Variants in TENM2 observed in about 807,000 individuals in gnomAD.
The protein encoded by TENM2 is teneurin-2.
In TENM2, 52 loss-of-function variants were observed where a neutral mutation model predicts 245.2. The ratio of observed to expected loss-of-function variants is 0.21; its 90% CI spans 0.17 to 0.27. The LOEUF is 0.27. TENM2 is among the 10% of genes least tolerant of loss of function. The pLI is 1.00. For synonymous variants in TENM2, 1,363 were observed against 1,438.9 expected (o/e 0.95, Z 1.19); for missense variants, 3,046 against 3,666.8 (o/e 0.83, Z 4.37).
At chr5:167,093,217 G>C in the TENM2 span, among the ~76,000 whole-genome samples, 1 of 152,174 alleles carries the variant, frequency 6.6e-6, no homozygotes, top group Non-Finnish European at 1.5e-5. Flanking sequence ...CTGCAGTGTT[G>C]GGAAATATCA....
At chr5:167,910,696 G>A (rs1776476977) in intron 3 of TENM2, among the ~76,000 whole-genome samples, 1 of 152,056 alleles carries the variant, frequency 6.6e-6, no homozygotes, top group Non-Finnish European at 1.5e-5. Flanking sequence ...CTCTTCCATG[G>A]AGCAGATGTT....
the TENM2 span, among the ~76,000 whole-genome samples, chr5:167,000,950 G>T: frequency 6.6e-6 from 1 of 152,006 alleles, no homozygotes; most frequent in Non-Finnish European, 1.5e-5. Flanking sequence ...TTTGTCTGTG[G>T]TTTTTTGTTG....
At chr5:167,776,593 GAAAAAAAAAAAAAAA>G (rs869252752) in intron 2 of TENM2, among the ~76,000 whole-genome samples, 805 of 36,074 alleles carry the variant, frequency 0.022, 27 homozygotes, top group African/African-American at 0.066. Flanking sequence ...GACCCTGTCT[GAAAAAAAAAAAAAAA>G]AAAAAAAAAA....
chr5:167,992,651 C>T (rs1783755799), intron 4 of TENM2, among the ~76,000 whole-genome samples: 1 of 152,316 alleles, frequency 6.6e-6, no homozygotes, highest in Non-Finnish European at 1.5e-5. Flanking sequence ...TCCTCAACCT[C>T]ATCATCTCTG....
chr5:167,846,216 G>T (rs1483738125), intron 2 of TENM2, among the ~76,000 whole-genome samples: 1 of 152,150 alleles, frequency 6.6e-6, no homozygotes, highest in African/African-American at 2.4e-5. Context: ...GACTGTGTCT[G>T]GTTCCATGTC....
chr5:168,171,727 T>C (rs1309999443), intron 13 of TENM2, among the ~76,000 whole-genome samples: 2 of 152,240 alleles, frequency 1.3e-5, no homozygotes, highest in Non-Finnish European at 2.9e-5. Context: ...ACAAATCAAA[T>C]ATCCATTATG....
At chr5:168,224,558 T>TAA (rs1338265081) in intron 23 of TENM2, among the ~76,000 whole-genome samples, 1 of 152,176 alleles carries the variant, frequency 6.6e-6, no homozygotes, top group Non-Finnish European at 1.5e-5. Context: ...TCCTAAGCCC[T>TAA]AAGCGACAAC....
intron 24 of TENM2, among the ~76,000 whole-genome samples, chr5:168,227,214 A>G (rs146176707): frequency 2.4e-4 from 36 of 152,342 alleles, no homozygotes; most frequent in African/African-American, 8.4e-4. Context: ...GTAAAGGAAA[A>G]GGTCAGACGT....
intron 2 of TENM2, among the ~76,000 whole-genome samples, chr5:167,830,724 GAACAGGAGTTCTCA>G (rs529204340): frequency 6.6e-6 from 1 of 152,310 alleles, no homozygotes; most frequent in East Asian, 1.9e-4. Flanking sequence ...ATGATCTCTA[GAACAGGAGTTCTCA>G]AACTTGAGAG....
intron 3 of TENM2, among the ~76,000 whole-genome samples, chr5:167,942,406 T>C (rs1246628600): frequency 6.6e-6 from 1 of 152,142 alleles, no homozygotes. Flanking sequence ...CCTCAGAACT[T>C]TGGTGGTCTA....
chr5:167,253,890 A>G, the TENM2 span, among the ~76,000 whole-genome samples: 2 of 152,114 alleles, frequency 1.3e-5, no homozygotes, highest in East Asian at 1.9e-4. Flanking sequence ...AGCTCTGAAG[A>G]TTCTGCTACA....
chr5:167,368,396 G>A (rs1372941184), intron 1 of TENM2, among the ~76,000 whole-genome samples: 1 of 151,976 alleles, frequency 6.6e-6, no homozygotes, highest in African/African-American at 2.4e-5. Context: ...CTTTAGGCTT[G>A]CATTTTGCAG....
At chr5:167,006,262 G>A in the TENM2 span, among the ~76,000 whole-genome samples, 1 of 152,072 alleles carries the variant, frequency 6.6e-6, no homozygotes, top group Admixed American at 6.5e-5. Flanking sequence ...TAGGGAATTC[G>A]ATTTGGTCAG....
chr5:167,320,682 G>C (rs753852996), intron 1 of TENM2, among the ~76,000 whole-genome samples: 1 of 152,130 alleles, frequency 6.6e-6, no homozygotes, highest in East Asian at 1.9e-4. Context: ...TTGCTCACTT[G>C]ACACCTTGCC....
At chr5:168,225,776 A>AAAAAG (rs1554226802) in intron 23 of TENM2, among the ~76,000 whole-genome samples, 2 of 151,862 alleles carry the variant, frequency 1.3e-5, no homozygotes, top group South Asian at 2.1e-4. Flanking sequence ...AAAAAAAAAA[A>AAAAAG]AAAGAAAAGA....
intron 2 of TENM2, among the ~76,000 whole-genome samples, chr5:167,609,815 C>T (rs972405318): frequency 9.2e-5 from 14 of 152,092 alleles, no homozygotes; most frequent in Admixed American, 9.2e-4. Context: ...AACTTCTGGT[C>T]ACCAAAATGT....
At chr5:167,621,414 T>C (rs546354648) in intron 2 of TENM2, among the ~76,000 whole-genome samples, 2 of 152,056 alleles carry the variant, frequency 1.3e-5, no homozygotes, top group East Asian at 1.9e-4. Flanking sequence ...GCCTGTCAAA[T>C]TCAAAGACGC....
At chr5:167,323,888 G>T (rs773469406) in intron 1 of TENM2, among the ~76,000 whole-genome samples, 9 of 152,122 alleles carry the variant, frequency 5.9e-5, no homozygotes, top group Non-Finnish European at 1.2e-4. Context: ...CCTCCCCAAG[G>T]CTTACTGAAT....
At chr5:167,527,613 C>T (rs1253801079) in intron 2 of TENM2, among the ~76,000 whole-genome samples, 1 of 152,112 alleles carries the variant, frequency 6.6e-6, no homozygotes, top group Non-Finnish European at 1.5e-5. Context: ...TGTAGAAATA[C>T]TTCTTATTCA....
Sources: allele counts gnomAD v4.1 joint callset (sites outside exome capture counted in the v4.1 genomes callset), GRCh38; gene constraint gnomAD v4.1.1; transcripts MANE v1.5; gene names NCBI Gene and HGNC (gene_info 2026-07-23, HGNC 2026-07-21).